SKI: variants seen among roughly 807,000 people sequenced by gnomAD.
The protein encoded by SKI is ski oncogene.
A neutral mutation model predicts 59.3 loss-of-function variants in SKI; 23 were observed. The observed-to-expected ratio is 0.39, with a 90% CI of 0.28 to 0.55. SKI has a LOEUF of 0.55. Ranked by LOEUF, SKI falls within the 20% of genes least tolerant of loss-of-function variation. The pLI, the probability that SKI is intolerant of heterozygous loss-of-function variation, is 0.67. For missense variants in SKI, 1,017 were observed against 1,038.9 expected (o/e 0.98, Z 0.29); for synonymous variants, 673 against 488.6 (o/e 1.38, Z -4.98).
intron 1 of SKI, among the ~76,000 whole-genome samples, chr1:2,290,874 G>A (rs569115135): frequency 1.3e-5 from 2 of 152,312 alleles, no homozygotes; most frequent in South Asian, 2.1e-4. Context: ...TCCAAGAACC[G>A]CGACCGCAGC....
intron 1 of SKI, among the ~76,000 whole-genome samples, chr1:2,253,263 C>T (rs1197121569): frequency 2.6e-5 from 4 of 152,104 alleles, no homozygotes; most frequent in Admixed American, 2.6e-4. Flanking sequence ...GCACCCGGGC[C>T]GGTATCACGG....
rs1339762275 is a variant in SKI, at chr1:2,268,557, A to G, written c.970-34421A>G. On this transcript the variant is annotated intron_variant, in intron 1 of 6. Coordinates refer to ENST00000378536, the MANE Select transcript of SKI (RefSeq NM_003036.4). This position sits in a 1 kb window ranked among gnomAD's most constrained non-coding sequence, Gnocchi z 5.0. ...GCTGAGCCGTCACTGCAGGGCAGCC[A>G]TGGCCCATTTGGCTGGTGCTGAGAC... Among the ~76,000 whole-genome samples, 1 of 152,206 alleles carries G rather than the reference A, an allele frequency of 6.6e-6. No homozygotes were observed. Among genetic ancestry groups the G allele is most frequent in the Admixed American group, 6.5e-5 (1 of 15,288 alleles).
chr1:2,304,483 C>G lies in SKI; in HGVS notation c.1665C>G (p.Thr555=). 1 of 1,577,668 alleles carries G rather than the reference C, an allele frequency of 6.3e-7. No homozygotes were observed. The highest frequency in any genetic ancestry group is 8.6e-7 in the Non-Finnish European group (1 of 1,163,358). The part of the protein sequence containing the change: ...LRQALEGGLD[T]KEAKEKFLHE... ...AGGCACTGGAGGGCGGCCTGGACAC[C>G]AAGGAAGCCAAAGAGAAGTTCCTGC... is the stretch of plus-strand genomic sequence containing the variant. The change falls in exon 5 of 7, where the codon ACC becomes ACG. Residue 555 remains threonine, a synonymous_variant. Coordinates refer to ENST00000378536, the MANE Select transcript of SKI (RefSeq NM_003036.4).
chr1:2,300,860 C>T (rs1170173085), intron 1 of SKI, among the ~76,000 whole-genome samples: 1 of 152,146 alleles, frequency 6.6e-6, no homozygotes, highest in Non-Finnish European at 1.5e-5. Context: ...TCCTCGGCCA[C>T]CCCCCACTGA....
chr1:2,230,703 CA>C (rs1487274970), intron 1 of SKI, among the ~76,000 whole-genome samples: 1 of 152,190 alleles, frequency 6.6e-6, no homozygotes, highest in Non-Finnish European at 1.5e-5. Context: ...CGTACCTCCC[CA>C]AGTATTTGTA....
chr1:2,228,621 C>A lies in SKI; in HGVS notation c.-146C>A. The A allele has an allele frequency of 4.6e-6, 1 of 217,546 alleles. No homozygotes were observed. Among genetic ancestry groups the A allele is most frequent in the Non-Finnish European group, 7.5e-6 (1 of 132,532 alleles). 13.5% of individuals were successfully genotyped at this position (217,546 alleles called of 1,614,324 possible). A position where few individuals can be genotyped will look rare whatever the true frequency, so the allele number is the denominator to read the frequency against. On this transcript the variant is annotated 5_prime_UTR_variant, in exon 1 of 7. Coordinates refer to ENST00000378536, the MANE Select transcript of SKI (RefSeq NM_003036.4). ...TTCCCCTTCGCGCCCCCGGGCGAGG[C>A]CGCGGCCGTGATCGGCCGTGAGCCG...
intron 1 of SKI, among the ~76,000 whole-genome samples, chr1:2,285,870 GTTTTTTTTT>G (rs77227502): frequency 1.9e-5 from 2 of 102,702 alleles, no homozygotes; most frequent in Non-Finnish European, 3.7e-5. Context: ...CAGCCAGAAG[GTTTTTTTTT>G]TTTTTTTTTT....
chr1:2,252,125 A>G (rs1639164830), intron 1 of SKI, among the ~76,000 whole-genome samples: 1 of 152,204 alleles, frequency 6.6e-6, no homozygotes, highest in African/African-American at 2.4e-5. Context: ...GAGGAGGAGG[A>G]ACCGAGGGCA....
In SKI at chr1:2,297,267, G is replaced by A. The variant is rs142300021; in HGVS notation, c.970-5711G>A. On this transcript the variant is annotated intron_variant, in intron 1 of 6. Coordinates refer to ENST00000378536, the MANE Select transcript of SKI (RefSeq NM_003036.4). ...CATTACAGGCATAAGCCACCACGCCGGGCCCACGGCTGAAGTTTGGGTTGT... is the reference window on the plus strand; with the variant it reads ...CATTACAGGCATAAGCCACCACGCCAGGCCCACGGCTGAAGTTTGGGTTGT... Among the ~76,000 whole-genome samples, 549 of 152,238 alleles carry A rather than the reference G, an allele frequency of 3.6e-3. 2 individuals carry two copies. The highest frequency in any genetic ancestry group is 0.012 in the African/African-American group (518 of 41,540).
chr1:2,253,494 G>C (rs565344749), intron 1 of SKI, among the ~76,000 whole-genome samples: 1 of 152,368 alleles, frequency 6.6e-6, no homozygotes, highest in African/African-American at 2.4e-5. Context: ...CACACTTGGA[G>C]GAATCGGAAG....
Position 2,305,242 on chromosome 1 carries a change from TGACATGACTGAGG to T in SKI, c.1767+660_1767+672del, listed in dbSNP as rs1324121485. 7.9e-5 allele frequency among the ~76,000 whole-genome samples: 12 copies of T among 152,332 alleles called. No homozygotes were observed. In the East Asian group the frequency reaches 9.7e-4, roughly 12 times the overall value. Reference sequence around the variant, plus strand: ...CTTTTACGTTGTTTAGGTTTCTTTCTGACATGACTGAGGGAAGTGCGGTTCACAGGCAGAGCTG... The same window carrying T: ...CTTTTACGTTGTTTAGGTTTCTTTCTGAAGTGCGGTTCACAGGCAGAGCTG... On this transcript the variant is annotated intron_variant, in intron 5 of 6. Transcript: ENST00000378536.
At chr1:2,279,168 G>C (rs147544642) in intron 1 of SKI, among the ~76,000 whole-genome samples, 1 of 152,226 alleles carries the variant, frequency 6.6e-6, no homozygotes, top group Non-Finnish European at 1.5e-5. Flanking sequence ...CTCTCAGGGC[G>C]CAGTCAGTTC....
At position 2,240,652 on chromosome 1, in the gene SKI, T is replaced by C. The variant is rs1557814214; in HGVS notation, c.969+10917T>C. ...AACCATACAGCATTAACAAGAAAAC[T>C]TGGAATTCTTCGAAGTGAAGCTCTC... On this transcript the variant is annotated intron_variant, in intron 1 of 6. Transcript: ENST00000378536. 4.1e-6 allele frequency: 4 copies of C among 985,354 alleles called. No individual in the cohort carries two copies. The African/African-American group carries it at 5.2e-5, about 13-fold the overall frequency. 61.0% of individuals were successfully genotyped at this position (985,354 alleles called of 1,614,324 possible).
intron 1 of SKI, among the ~76,000 whole-genome samples, chr1:2,258,826 C>T (rs1033289798): frequency 1.3e-5 from 2 of 152,146 alleles, no homozygotes; most frequent in South Asian, 2.1e-4. Flanking sequence ...GGATTACAGG[C>T]GTGAGCCACC....
rs1015048146 is a variant in SKI at position 2,306,896 on chromosome 1, G to A, written c.*131G>A. ...CGTCTTACCGTGCCTATTACCAAGC[G>A]AGTGTTTGTAACCATGTAGTTTTGG... On this transcript the variant is annotated 3_prime_UTR_variant, in exon 7 of 7. Transcript: ENST00000378536. 5.4e-5 allele frequency: 33 copies of A among 605,538 alleles called. No homozygotes were observed. Among genetic ancestry groups the A allele is most frequent in the Non-Finnish European group, 7.6e-5 (32 of 420,140 alleles). The allele number at this position is 605,538 out of a possible 1,614,324, so 37.5% of individuals were successfully genotyped here.
chr1:2,240,450 C>T, intron 1 of SKI: 2 of 978,946 alleles, frequency 2.0e-6, no homozygotes, highest in Non-Finnish European at 2.4e-6. Context: ...CGGCAAGCCA[C>T]ATGCTGTCAC....
At position 2,228,684 on chromosome 1, in the gene SKI, G is replaced by A. The variant is rs1638556874; in HGVS notation, c.-83G>A. 1.1e-6 allele frequency: 1 copy of A among 885,848 alleles called. No individual in the cohort carries two copies. The highest frequency in any genetic ancestry group is 1.3e-6 in the Non-Finnish European group (1 of 743,328). 54.9% of individuals were successfully genotyped at this position (885,848 alleles called of 1,614,324 possible). The stretch of plus-strand genomic sequence containing the variant: ...GGCCGGGGTCGGGGCCGCGGGCGCC[G>A]CCGGGGCGCGCGGGGCGGCGGCGGG... On this transcript the variant is annotated 5_prime_UTR_variant, in exon 1 of 7. Coordinates refer to ENST00000378536, the MANE Select transcript of SKI (RefSeq NM_003036.4).
intron 1 of SKI, among the ~76,000 whole-genome samples, chr1:2,297,714 TC>T (rs1349197884): frequency 1.3e-5 from 2 of 152,260 alleles, no homozygotes; most frequent in Non-Finnish European, 2.9e-5. Context: ...CTGCAGGACT[TC>T]CCGGCCCTTG....
At chr1:2,293,487 C>T (rs934209844) in intron 1 of SKI, among the ~76,000 whole-genome samples, 1 of 150,656 alleles carries the variant, frequency 6.6e-6, no homozygotes, top group East Asian at 2.0e-4. Flanking sequence ...GCACATTTGG[C>T]CGTCCCCTTT....
Sources: allele counts gnomAD v4.1 joint callset (sites outside exome capture counted in the v4.1 genomes callset), GRCh38; gene constraint gnomAD v4.1.1; non-coding constraint Gnocchi (gnomAD v3.1); transcripts MANE v1.5; gene names NCBI Gene and HGNC (gene_info 2026-07-23, HGNC 2026-07-21).